Variants in AKR1D1 observed in about 807,000 individuals in gnomAD.
AKR1D1 encodes the protein delta(4)-3-ketosteroid 5-beta-reductase.
AKR1D1 carries 32 observed loss-of-function variants against 42.6 expected under a neutral mutation model. The observed-to-expected ratio is 0.75, with a 90% CI of 0.57 to 1.01. The LOEUF is 1.01. Ranked by LOEUF, AKR1D1 falls within the 50% of genes least tolerant of loss-of-function variation. The probability of loss-of-function intolerance (pLI) is 0.00; values close to 1 mark genes in which losing one functional copy is unlikely to be tolerated. For missense variants in AKR1D1, 364 were observed against 402.2 expected (o/e 0.91, Z 0.81); for synonymous variants, 123 against 135.5 (o/e 0.91, Z 0.64).
Position 138,107,028 on chromosome 7 carries a change from A to C in AKR1D1, c.689+311A>C, listed in dbSNP as rs2306846. ...TTCAATCTTTTGATCTCTGTATTCAATAGTGATACTTCTACTATGATGTGC... is the reference window on the plus strand; with the variant it reads ...TTCAATCTTTTGATCTCTGTATTCACTAGTGATACTTCTACTATGATGTGC... On this transcript the variant is annotated intron_variant, in intron 6 of 8. Transcript: ENST00000242375. Among the ~76,000 whole-genome samples, 25,223 of 152,212 alleles carry C rather than the reference A, an allele frequency of 0.17. 2,270 individuals carry two copies. The highest frequency in any genetic ancestry group is 0.22 in the African/African-American group (9,274 of 41,512).
intron 8 of AKR1D1, among the ~76,000 whole-genome samples, chr7:138,115,306 G>T (rs1230174613): frequency 6.6e-6 from 1 of 152,138 alleles, no homozygotes; most frequent in Non-Finnish European, 1.5e-5. Context: ...AGCCATCATG[G>T]TGGCATGCAC....
intron 3 of AKR1D1, 124 bp downstream of exon 3, chr7:138,092,008 ATAG>A (rs1794094111): frequency 1.6e-6 from 1 of 619,774 alleles, no homozygotes; most frequent in Non-Finnish European, 2.9e-6. Flanking sequence ...CCATGAGCCA[ATAG>A]CTATGTGCAT....
chr7:138,104,351 T>A (rs1421172020), intron 4 of AKR1D1, among the ~76,000 whole-genome samples: 1 of 151,720 alleles, frequency 6.6e-6, no homozygotes, highest in African/African-American at 2.4e-5. Flanking sequence ...AGAGACAGAG[T>A]GTTACATCCA....
chr7:138,109,953 ACTAATTAT>A (rs946653200), intron 7 of AKR1D1, among the ~76,000 whole-genome samples: 64 of 152,298 alleles, frequency 4.2e-4, no homozygotes, highest in African/African-American at 1.5e-3. Context: ...TTTCATTGTA[ACTAATTAT>A]GTTATATTCC....
At chr7:138,085,467 CAG>C (rs1167012074) in intron 1 of AKR1D1, among the ~76,000 whole-genome samples, 2 of 124,924 alleles carry the variant, frequency 1.6e-5, no homozygotes, top group African/African-American at 3.0e-5. Flanking sequence ...TTTTTTGAGA[CAG>C]AGTCTTGCTC....
In AKR1D1 at chr7:138,081,506, C is replaced by CT. The variant is rs61466734; in HGVS notation, c.93+4931dup. ...TCCAAAATATAAAAGGAACTCCTAC[C>CT]TTTTTTTTTTTTTTTTTTTTTTTTT... is the stretch of plus-strand genomic sequence containing the variant. On this transcript the variant is annotated intron_variant, in intron 1 of 8. Transcript: ENST00000242375. Among the ~76,000 whole-genome samples the CT allele has an allele frequency of 5.6e-3, 269 of 47,694 alleles. 78 individuals carry two copies. The highest frequency in any genetic ancestry group is 8.6e-3 in the Admixed American group (30 of 3,470). 31.3% of individuals were successfully genotyped at this position (47,694 alleles called of 152,430 possible).
intron 1 of AKR1D1, among the ~76,000 whole-genome samples, chr7:138,078,540 T>G (rs1368144984): frequency 6.6e-6 from 1 of 152,228 alleles, no homozygotes; most frequent in Non-Finnish European, 1.5e-5. Context: ...GGCCCCTTTC[T>G]CTTCTTTCTT....
intron 8 of AKR1D1, 55 bp downstream of exon 8, chr7:138,113,827 G>A: frequency 6.6e-7 from 1 of 1,514,892 alleles, no homozygotes; most frequent in African/African-American, 1.4e-5. Flanking sequence ...ATGGTCATGT[G>A]TCAAGCAACA....
intron 4 of AKR1D1, among the ~76,000 whole-genome samples, chr7:138,098,979 A>T (rs1229645385): frequency 6.6e-6 from 1 of 152,118 alleles, no homozygotes; most frequent in Non-Finnish European, 1.5e-5. Context: ...CTGAGGAAAA[A>T]CATAAGTTAC....
chr7:138,116,508 A>C (rs1794635762), intron 8 of AKR1D1, 112 bp from the exon 9 acceptor site: 3 of 1,166,134 alleles, frequency 2.6e-6, no homozygotes, highest in African/African-American at 3.0e-5. Flanking sequence ...CAGCAGAGGA[A>C]TGAATAGGAG....
rs80114488 is a variant in AKR1D1 at position 138,092,578 on chromosome 7, T to A, written c.378+694T>A. Among the ~76,000 whole-genome samples the A allele has an allele frequency of 5.5e-3, 845 of 152,334 alleles. 9 individuals are homozygous for A. The highest frequency in any genetic ancestry group is 0.019 in the African/African-American group (800 of 41,570). ...AGACTGCATTACTTTTGTAATAACA[T>A]GAATAAAACGCAAACACGTTGTGCC... On this transcript the variant is annotated intron_variant, in intron 3 of 8. Transcript: ENST00000242375.
At chr7:138,108,494 C>T (rs998295649) in intron 7 of AKR1D1, among the ~76,000 whole-genome samples, 2 of 152,120 alleles carry the variant, frequency 1.3e-5, no homozygotes, top group African/African-American at 4.8e-5. Context: ...TTGTTAGAAA[C>T]ATTAATTTGT....
At chr7:138,093,972 A>ATTAAGTATTTT (rs1794137001) in intron 3 of AKR1D1, among the ~76,000 whole-genome samples, 1 of 152,166 alleles carries the variant, frequency 6.6e-6, no homozygotes, top group Admixed American at 6.6e-5. Flanking sequence ...GCAGCACATG[A>ATTAAGTATTTT]CTCTACTTAA....
At chr7:138,080,899 T>C (rs144716469) in intron 1 of AKR1D1, among the ~76,000 whole-genome samples, 57 of 152,244 alleles carry the variant, frequency 3.7e-4, no homozygotes, top group African/African-American at 1.2e-3. Flanking sequence ...ATGTTAGAGG[T>C]CTGAGCCACC....
chr7:138,099,052 A>G (rs1794240234), intron 4 of AKR1D1, among the ~76,000 whole-genome samples: 1 of 152,182 alleles, frequency 6.6e-6, no homozygotes, highest in Non-Finnish European at 1.5e-5. Context: ...AAGTTTGGAA[A>G]TTACACTCTG....
intron 3 of AKR1D1, among the ~76,000 whole-genome samples, chr7:138,094,656 C>T (rs1323996922): frequency 6.6e-6 from 1 of 152,164 alleles, no homozygotes; most frequent in Admixed American, 6.5e-5. Context: ...GCTGAGACTA[C>T]AGGTGTGTGC....
At chr7:138,106,890 T>C (rs1396155316) in intron 6 of AKR1D1, among the ~76,000 whole-genome samples, 173 bp downstream of exon 6, 2 of 152,194 alleles carry the variant, frequency 1.3e-5, no homozygotes, top group African/African-American at 4.8e-5. Flanking sequence ...GTAAAATTGA[T>C]TACATTATAG....
chr7:138,106,851 A>C (rs1794444713), intron 6 of AKR1D1, 134 bp downstream of exon 6: 1 of 728,530 alleles, frequency 1.4e-6, no homozygotes, highest in South Asian at 1.5e-5. Context: ...ATGAATTAGA[A>C]CTTTTCATAC....
chr7:138,080,096 T>C (rs555904107), intron 1 of AKR1D1, among the ~76,000 whole-genome samples: 1 of 152,330 alleles, frequency 6.6e-6, no homozygotes, highest in African/African-American at 2.4e-5. Context: ...GGAATAGTAC[T>C]GCAAGTATGG....
Sources: allele counts gnomAD v4.1 joint callset (sites outside exome capture counted in the v4.1 genomes callset), GRCh38; gene constraint gnomAD v4.1.1; transcripts MANE v1.5; gene names NCBI Gene and HGNC (gene_info 2026-07-23, HGNC 2026-07-21).